The following SNX7 variants were observed in gnomAD, a reference collection of about 807,000 sequenced individuals.
SNX7 encodes sorting nexin 7, also known as sorting nexin-7.
A neutral mutation model predicts 48.4 loss-of-function variants in SNX7; 35 were observed. That is an observed-to-expected ratio of 0.72 (90% CI 0.55 to 0.96). The LOEUF is 0.96. Ranked by LOEUF, SNX7 falls within the 40% of genes least tolerant of loss-of-function variation. The pLI is 0.00. For synonymous variants in SNX7, 190 were observed against 190.2 expected, an observed-to-expected ratio of 1.00 and a Z score of 0.01; for missense variants, 553 against 548.9, an observed-to-expected ratio of 1.01 and a Z score of -0.07.
At chr1:98,754,005 T>C (rs530354772) in intron 8 of SNX7, among the ~76,000 whole-genome samples, 1 of 152,148 alleles carries the variant, frequency 6.6e-6, no homozygotes, top group Non-Finnish European at 1.5e-5. Context: ...ACTGCATATC[T>C]GCATATGATG....
intron 7 of SNX7, among the ~76,000 whole-genome samples, chr1:98,703,421 C>T (rs1404216429): frequency 6.6e-6 from 1 of 151,996 alleles, no homozygotes; most frequent in African/African-American, 2.4e-5. Context: ...CGTTTCTTGA[C>T]TATGTATATT....
At chr1:98,735,121 A>G (rs868564456) in intron 7 of SNX7, among the ~76,000 whole-genome samples, 2 of 152,118 alleles carry the variant, frequency 1.3e-5, no homozygotes, top group Non-Finnish European at 2.9e-5. Flanking sequence ...TGTTGAGTAT[A>G]TTTGTTCTTT....
At chr1:98,737,317 G>T (rs781125243) in intron 7 of SNX7, among the ~76,000 whole-genome samples, 1 of 151,916 alleles carries the variant, frequency 6.6e-6, no homozygotes, top group Non-Finnish European at 1.5e-5. Context: ...CCTGTCTACC[G>T]TTCTGCTTCA....
chr1:98,667,421 G>A (rs1020869709), intron 1 of SNX7, among the ~76,000 whole-genome samples: 2 of 152,072 alleles, frequency 1.3e-5, no homozygotes, highest in Non-Finnish European at 2.9e-5. Flanking sequence ...TGTCACCCAG[G>A]CTAGAGTGCA....
rs1273569501 is a variant in SNX7 at position 98,663,252 on chromosome 1, GGTTTTTTT to G, written c.180+1342_180+1349del. 2.9e-3 allele frequency among the ~76,000 whole-genome samples: 239 copies of G among 83,132 alleles called. 23 individuals are homozygous for G. The highest frequency in any genetic ancestry group is 7.5e-3 in the African/African-American group (137 of 18,290). The allele number at this position is 83,132 out of a possible 152,430, so 54.5% of individuals were successfully genotyped here. A position where few individuals can be genotyped will look rare whatever the true frequency, so the allele number is the denominator to read the frequency against. On this transcript the variant is annotated intron_variant, in intron 1 of 8. Coordinates refer to ENST00000306121, the MANE Select transcript of SNX7 (RefSeq NM_015976.5). ...ATCAGAATCATCAGGGTTTCTTTCTGGTTTTTTTTTTTTTTTTTTTTTTTTTTTTTTTT... is the reference window on the plus strand; with the variant it reads ...ATCAGAATCATCAGGGTTTCTTTCTGTTTTTTTTTTTTTTTTTTTTTTTTT...
intron 6 of SNX7, among the ~76,000 whole-genome samples, chr1:98,699,987 C>T (rs1427793130): frequency 6.6e-6 from 1 of 152,134 alleles, no homozygotes; most frequent in African/African-American, 2.4e-5. Flanking sequence ...TTGGGGTCAC[C>T]CCCTTGTGTC....
At chr1:98,689,977 T>C (rs1200592035) in intron 2 of SNX7, among the ~76,000 whole-genome samples, 1 of 152,166 alleles carries the variant, frequency 6.6e-6, no homozygotes, top group Non-Finnish European at 1.5e-5. Flanking sequence ...TGTACAAAGA[T>C]ACATTGTATG....
chr1:98,670,843 A>G (rs1649817551), intron 1 of SNX7, among the ~76,000 whole-genome samples: 1 of 150,820 alleles, frequency 6.6e-6, no homozygotes, highest in African/African-American at 2.4e-5. Context: ...AAAGAGAGCT[A>G]CAGCTCTTTT....
At chr1:98,728,745 C>A (rs2101020017) in intron 7 of SNX7, among the ~76,000 whole-genome samples, 1 of 152,248 alleles carries the variant, frequency 6.6e-6, no homozygotes, top group South Asian at 2.1e-4. Context: ...GAAGAGCTAA[C>A]TAATCTAGAT....
intron 4 of SNX7, 152 bp downstream of exon 4, chr1:98,691,851 A>T (rs1651146628): frequency 1.8e-6 from 1 of 566,354 alleles, no homozygotes; most frequent in Non-Finnish European, 2.9e-6. Flanking sequence ...TATCCTTCAG[A>T]TATAACCCTG....
chr1:98,695,481 C>T (rs1651400612), intron 4 of SNX7, 37 bp from the exon 5 acceptor site: 3 of 1,587,422 alleles, frequency 1.9e-6, no homozygotes, highest in Non-Finnish European at 1.7e-6. Flanking sequence ...AATATTGAGA[C>T]TTGTTTCACT....
chr1:98,662,019 C>G (rs1649256284), intron 1 of SNX7, 108 bp downstream of exon 1: 2 of 1,157,262 alleles, frequency 1.7e-6, no homozygotes, highest in Non-Finnish European at 2.2e-6. Flanking sequence ...GGGGCGGTGG[C>G]TCTGAGCTGG....
In SNX7 at chr1:98,757,310, T is replaced by C. The variant is rs114729648; in HGVS notation, c.1279-2744T>C. On this transcript the variant is annotated intron_variant, in intron 8 of 8. Coordinates refer to ENST00000306121, the MANE Select transcript of SNX7 (RefSeq NM_015976.5). ...GGTGGCTTAAACAACAGAAATTTGT[T>C]TCCTCACAATTCTAGAGGCTAGAAG... Among the ~76,000 whole-genome samples, 131 of 152,178 alleles carry C rather than the reference T, an allele frequency of 8.6e-4. 1 individual carries two copies. Among genetic ancestry groups the C allele is most frequent in the Middle Eastern group, 6.8e-3 (2 of 294 alleles).
intron 7 of SNX7, among the ~76,000 whole-genome samples, chr1:98,722,788 AATG>A (rs35164434): frequency 0.26 from 38,468 of 148,748 alleles, 5,413 homozygotes; most frequent in Middle Eastern, 0.31. Flanking sequence ...AAAGGAAAAC[AATG>A]ATGATATTTT....
At chr1:98,698,007 A>G (rs1465875466) in intron 5 of SNX7, among the ~76,000 whole-genome samples, 1 of 152,200 alleles carries the variant, frequency 6.6e-6, no homozygotes, top group African/African-American at 2.4e-5. Flanking sequence ...AGAATTTCAC[A>G]TTGGACCTGG....
chr1:98,740,447 T>C (rs115082136), intron 8 of SNX7, among the ~76,000 whole-genome samples: 172 of 152,266 alleles, frequency 1.1e-3, no homozygotes, highest in African/African-American at 3.9e-3. Context: ...CATGCAGTTT[T>C]CTATAAATGA....
chr1:98,667,251 C>A (rs1286413714), intron 1 of SNX7, among the ~76,000 whole-genome samples: 1 of 152,130 alleles, frequency 6.6e-6, no homozygotes, highest in Non-Finnish European at 1.5e-5. Flanking sequence ...TAAGTTAGAA[C>A]ATTGTATTCA....
At chr1:98,759,213 T>TG (rs1162179613) in intron 8 of SNX7, among the ~76,000 whole-genome samples, 1 of 150,948 alleles carries the variant, frequency 6.6e-6, no homozygotes, top group Non-Finnish European at 1.5e-5. Context: ...TATCCACATT[T>TG]GAAAAAAAAA....
intron 8 of SNX7, among the ~76,000 whole-genome samples, chr1:98,739,136 T>C (rs1653941825): frequency 6.6e-6 from 1 of 152,126 alleles, no homozygotes; most frequent in Non-Finnish European, 1.5e-5. Flanking sequence ...TTAGTTAAAT[T>C]GTCATAAGGA....
Sources: gnomAD v4.1 joint callset for allele counts (sites outside exome capture counted in the v4.1 genomes callset) on GRCh38, gnomAD v4.1.1 for gene constraint, MANE v1.5 for transcripts, NCBI Gene and HGNC (gene_info 2026-07-23, HGNC 2026-07-21) for gene names.